Variants in SEC16B observed in about 807,000 individuals in gnomAD.
SEC16B encodes the protein protein transport protein Sec16B.
SEC16B carries 115 observed loss-of-function variants against 141.8 expected under a neutral mutation model. The observed-to-expected ratio is 0.81, with a 90% confidence interval of 0.70 to 0.95. The LOEUF (loss-of-function observed/expected upper bound fraction) is 0.95, where lower values mean the gene tolerates loss of function less well. Ranked by LOEUF, SEC16B falls within the 40% of genes least tolerant of loss-of-function variation. The pLI, the probability that SEC16B is intolerant of heterozygous loss-of-function variation, is 0.00. For missense variants in SEC16B, 1,291 were observed against 1,312.3 expected (o/e 0.98, Z 0.25); for synonymous variants, 493 against 492.5 (o/e 1.00, Z -0.01).
At chr1:177,930,700 G>A in intron 24 of SEC16B, 57 bp from the exon 25 acceptor site, 1 of 1,283,940 alleles carries the variant, frequency 7.8e-7, no homozygotes, top group Non-Finnish European at 1.1e-6. Flanking sequence ...ATTCCAGAAT[G>A]TCGAGGCCTT....
intron 15 of SEC16B, 106 bp downstream of exon 15, chr1:177,944,455 T>G: frequency 1.2e-6 from 1 of 801,326 alleles, no homozygotes; most frequent in Non-Finnish European, 2.1e-6. Flanking sequence ...AAAAGTTCAG[T>G]AGATAACTTA....
In SEC16B at chr1:177,967,757, C is replaced by G; in HGVS notation, c.225G>C (p.Arg75Ser). 5.0e-6 allele frequency: 8 copies of G among 1,613,956 alleles called. No individual in the cohort carries two copies. Among genetic ancestry groups the G allele is most frequent in the Non-Finnish European group, 6.8e-6 (8 of 1,179,858 alleles). The stretch of plus-strand genomic sequence containing the variant: ...ACACAGGCTGATGCCAGTCCCCTGG[C>G]CTGGATGCATAATGGGGCTGCTGCT... ...DHQQQPHYAS[R>S]PGDWHQPVSG... The change falls in exon 2 of 26, where the codon AGG becomes AGC. Residue 75 changes from arginine to serine, a missense_variant. Around this residue, in one of 3 missense-constraint regions of SEC16B, gnomAD observed 681 missense variants for 675.5 expected, o/e 1.01. Coordinates refer to ENST00000308284, the MANE Select transcript of SEC16B (RefSeq NM_033127.4).
At chr1:177,960,659 G>A in intron 7 of SEC16B, 132 bp downstream of exon 7, 1 of 983,064 alleles carries the variant, frequency 1.0e-6, no homozygotes, top group Admixed American at 2.7e-5. Flanking sequence ...GGGGGTACAT[G>A]GCCCAGTTTC....
At chr1:177,978,870 G>T (rs2102028133) in intron 1 of SEC16B, among the ~76,000 whole-genome samples, 1 of 152,048 alleles carries the variant, frequency 6.6e-6, no homozygotes, top group South Asian at 2.1e-4. Flanking sequence ...CTAATCTGAG[G>T]TTATTGTTTT....
At chr1:177,930,776 C>G in intron 24 of SEC16B, 133 bp from the exon 25 acceptor site, 1 of 583,044 alleles carries the variant, frequency 1.7e-6, no homozygotes. Context: ...ATCGACTCTC[C>G]AAAGGACATG....
chr1:177,937,594 T>TTA, intron 18 of SEC16B, 81 bp from the exon 19 acceptor site: 2 of 1,235,868 alleles, frequency 1.6e-6, no homozygotes, highest in Non-Finnish European at 2.2e-6. Flanking sequence ...ACATTCCTGC[T>TTA]TATGTCTTCT....
chr1:177,955,260 T>C (rs1320632504), intron 10 of SEC16B, among the ~76,000 whole-genome samples: 3 of 151,646 alleles, frequency 2.0e-5, no homozygotes, highest in African/African-American at 7.3e-5. Flanking sequence ...CTTTGGGAGG[T>C]GGAGGGAGAG....
chr1:177,954,289 C>T lies in SEC16B; in HGVS notation c.1453G>A (p.Val485Ile), dbSNP rs757860823. The change falls in exon 11 of 26, where the codon GTC becomes ATC. Residue 485 changes from valine (V) to isoleucine (I), a missense_variant. Coordinates refer to ENST00000308284, the MANE Select transcript of SEC16B (RefSeq NM_033127.4). ...TAAGTCCTGACTCACCCACTCATGA[C>T]CCAGCTGTAGGTCTGTGGGTCCATC... Reference protein sequence around the residue: ...SKMDPQTYSWVMSGFTSTLAL... With the variant: ...SKMDPQTYSWIMSGFTSTLAL... 25 of 1,564,514 alleles carry T rather than the reference C, an allele frequency of 1.6e-5. No homozygotes were observed. The highest frequency in any genetic ancestry group is 3.8e-5 in the Admixed American group (2 of 52,974).
chr1:177,976,109 G>T (rs1571361597), intron 1 of SEC16B, among the ~76,000 whole-genome samples: 2 of 152,304 alleles, frequency 1.3e-5, no homozygotes, highest in Middle Eastern at 6.8e-3. Context: ...AAGGCACCCT[G>T]TGGTTGCACC....
chr1:177,929,730 G>T lies in SEC16B; in HGVS notation c.*128C>A. The T allele has an allele frequency of 3.3e-6, 3 of 909,944 alleles. No individual in the cohort carries two copies. Among genetic ancestry groups the T allele is most frequent in the East Asian group, 2.6e-5 (1 of 37,878 alleles). 56.4% of individuals were successfully genotyped at this position (909,944 alleles called of 1,614,324 possible). On this transcript the variant is annotated 3_prime_UTR_variant, in exon 26 of 26. Coordinates refer to ENST00000308284, the MANE Select transcript of SEC16B (RefSeq NM_033127.4). ...CTGTCCTCTTGCCTTCTAAGTGCCC[G>T]GTGGAGGCATCGGGCTAGCACAAAC...
chr1:177,967,535 G>T, intron 2 of SEC16B, 148 bp downstream of exon 2: 1 of 736,608 alleles, frequency 1.4e-6, no homozygotes, highest in Non-Finnish European at 2.1e-6. Flanking sequence ...TTTGGGAGAG[G>T]ACAGGATTTA....
chr1:177,981,528 G>C (rs1298886147), intron 1 of SEC16B, among the ~76,000 whole-genome samples: 1 of 152,168 alleles, frequency 6.6e-6, no homozygotes, highest in African/African-American at 2.4e-5. Flanking sequence ...ATTAATGACT[G>C]AATAACTATT....
chr1:177,947,741 A>C, intron 13 of SEC16B, 84 bp downstream of exon 13: 1 of 559,342 alleles, frequency 1.8e-6, no homozygotes. Context: ...AGGGACGGGG[A>C]GGGGAGGTGA....
intron 4 of SEC16B, among the ~76,000 whole-genome samples, chr1:177,964,677 G>A (rs1454222753): frequency 6.6e-6 from 1 of 152,206 alleles, no homozygotes; most frequent in Admixed American, 6.5e-5. Context: ...CTCAGGCGTA[G>A]GCTGAGGAAA....
rs1652430399 is a variant in SEC16B at position 177,954,308 on chromosome 1, G to A, written c.1434C>T (p.Asp478=). The A allele has an allele frequency of 1.3e-6, 2 of 1,570,642 alleles. No homozygotes were observed. Among genetic ancestry groups the A allele is most frequent in the South Asian group, 1.2e-5 (1 of 85,172 alleles). The change falls in exon 11 of 26, where the codon GAC becomes GAT. Residue 478 remains aspartate (D), a synonymous_variant. Coordinates refer to ENST00000308284, the MANE Select transcript of SEC16B (RefSeq NM_033127.4). The part of the protein sequence containing the change: ...GHALFLSSKM[D]PQTYSWVMSG... Reference sequence around the variant, plus strand: ...TCATGACCCAGCTGTAGGTCTGTGGGTCCATCTTGCTGGACAGGAACAAAG... The same window carrying A: ...TCATGACCCAGCTGTAGGTCTGTGGATCCATCTTGCTGGACAGGAACAAAG...
intron 1 of SEC16B, among the ~76,000 whole-genome samples, chr1:177,975,855 G>A (rs528371045): frequency 1.3e-5 from 2 of 152,118 alleles, no homozygotes; most frequent in Non-Finnish European, 2.9e-5. Context: ...AGCCAGTGTT[G>A]GCCACCAAGA....
chr1:177,932,945 A>C, intron 22 of SEC16B, 139 bp from the exon 23 acceptor site: 1 of 801,654 alleles, frequency 1.2e-6, no homozygotes, highest in Non-Finnish European at 2.0e-6. Flanking sequence ...CCCCCTCCTC[A>C]TCCCACTCTT....
At chr1:177,948,076 C>A in intron 12 of SEC16B, 134 bp from the exon 13 acceptor site, 1 of 775,162 alleles carries the variant, frequency 1.3e-6, no homozygotes, top group South Asian at 1.7e-5. Flanking sequence ...TGCTGCCATT[C>A]ATTGATTTAG....
chr1:177,940,408 C>G (rs922633147), intron 17 of SEC16B, among the ~76,000 whole-genome samples: 8 of 152,194 alleles, frequency 5.3e-5, no homozygotes, highest in African/African-American at 1.9e-4. Flanking sequence ...CGCTTCCACA[C>G]AGGGGACAAG....
Sources: gnomAD v4.1 joint callset for allele counts (sites outside exome capture counted in the v4.1 genomes callset) on GRCh38, gnomAD v4.1.1 for gene constraint, gnomAD v4.1.1 regional missense constraint, MANE v1.5 for transcripts, NCBI Gene and HGNC (gene_info 2026-07-23, HGNC 2026-07-21) for gene names.